The following CSMD1 variants were observed in gnomAD, a reference collection of about 807,000 sequenced individuals.
The protein encoded by CSMD1 is CUB and sushi domain-containing protein 1.
A neutral mutation model predicts 417.5 loss-of-function variants in CSMD1; 213 were observed. The observed-to-expected ratio is 0.51, with a 90% CI of 0.46 to 0.57. CSMD1 has a LOEUF of 0.57. Among genes scored for constraint, CSMD1 ranks in the 20% least tolerant of loss-of-function variants. The probability of loss-of-function intolerance (pLI) is 0.00; values close to 1 mark genes in which losing one functional copy is unlikely to be tolerated. For missense variants in CSMD1, 6,923 were observed against 4,529.7 expected (o/e 1.53, Z -15.17); for synonymous variants, 2,862 against 1,736.8 (o/e 1.65, Z -16.11).
chr8:3,997,055 G>C (rs17068464), intron 5 of CSMD1, among the ~76,000 whole-genome samples: 3 of 152,126 alleles, frequency 2.0e-5, no homozygotes, highest in Non-Finnish European at 4.4e-5. Context: ...GTCTACCTGA[G>C]TTTCAACATA....
At chr8:4,197,655 G>C (rs1243192700) in intron 3 of CSMD1, among the ~76,000 whole-genome samples, 1 of 152,174 alleles carries the variant, frequency 6.6e-6, no homozygotes, top group Non-Finnish European at 1.5e-5. Flanking sequence ...GAGGCAGGTG[G>C]ATCATTTGAG....
intron 10 of CSMD1, among the ~76,000 whole-genome samples, chr8:3,558,648 TCCAC>T: frequency 6.6e-6 from 1 of 150,380 alleles, no homozygotes; most frequent in South Asian, 2.1e-4. Context: ...GTACCCCGTG[TCCAC>T]TCCTCCAATG....
At chr8:4,917,409 C>A (rs1027906761) in intron 1 of CSMD1, among the ~76,000 whole-genome samples, 1 of 152,138 alleles carries the variant, frequency 6.6e-6, no homozygotes, top group Non-Finnish European at 1.5e-5. Context: ...CCAAGGTGGG[C>A]AGACTACAAG....
At chr8:3,421,436 G>A (rs528634782) in intron 12 of CSMD1, among the ~76,000 whole-genome samples, 33 of 152,318 alleles carry the variant, frequency 2.2e-4, no homozygotes, top group Admixed American at 2.0e-3. Flanking sequence ...ATTAAGAAAA[G>A]AGAAACATCA....
At chr8:4,602,689 G>C (rs1800656803) in intron 2 of CSMD1, among the ~76,000 whole-genome samples, 3 of 152,238 alleles carry the variant, frequency 2.0e-5, no homozygotes, top group South Asian at 4.1e-4. Context: ...TGACTTAATT[G>C]TCTTAAGATC....
intron 8 of CSMD1, among the ~76,000 whole-genome samples, chr8:3,596,144 C>T (rs1297433096): frequency 2.0e-5 from 3 of 152,172 alleles, no homozygotes; most frequent in Non-Finnish European, 2.9e-5. Flanking sequence ...AGGGAGGAAA[C>T]AGTGAGGAGT....
intron 2 of CSMD1, among the ~76,000 whole-genome samples, chr8:4,592,195 C>T (rs1007290777): frequency 2.0e-5 from 3 of 150,696 alleles, no homozygotes; most frequent in African/African-American, 7.3e-5. Context: ...ATTTCATGCT[C>T]CCAACAAGAA....
intron 3 of CSMD1, among the ~76,000 whole-genome samples, chr8:4,227,792 C>T (rs1019148501): frequency 6.6e-6 from 1 of 151,018 alleles, no homozygotes; most frequent in Admixed American, 6.6e-5. Flanking sequence ...GACACACCCT[C>T]CATCCTACAG....
intron 3 of CSMD1, among the ~76,000 whole-genome samples, chr8:4,149,792 G>A (rs183170105): frequency 6.6e-6 from 1 of 152,160 alleles, no homozygotes; most frequent in Non-Finnish European, 1.5e-5. Flanking sequence ...TTCAGGGAAG[G>A]TCACTTGAGA....
chr8:4,757,770 C>T lies in CSMD1; in HGVS notation c.86-120212G>A, dbSNP rs139037905. Among the ~76,000 whole-genome samples the T allele has an allele frequency of 1.0e-3, 153 of 152,020 alleles. 2 individuals are homozygous for T. Among genetic ancestry groups the T allele is most frequent in the African/African-American group, 3.5e-3 (145 of 41,482 alleles). The stretch of plus-strand genomic sequence containing the variant: ...GGCCAGGAGTTTGAGACAAGCCTGG[C>T]CAACATGGTGAAACCCTGTTTCTAC... On this transcript the variant is annotated intron_variant, in intron 1 of 69. Coordinates refer to ENST00000635120, the MANE Select transcript of CSMD1 (RefSeq NM_033225.6).
intron 26 of CSMD1, among the ~76,000 whole-genome samples, chr8:3,244,729 G>C (rs947122740): frequency 2.6e-5 from 4 of 152,162 alleles, no homozygotes; most frequent in African/African-American, 9.7e-5. Context: ...TGCTATTTGG[G>C]AAACAAGGGT....
chr8:3,500,971 A>G (rs1228042768), intron 10 of CSMD1, among the ~76,000 whole-genome samples: 1 of 152,246 alleles, frequency 6.6e-6, no homozygotes, highest in Non-Finnish European at 1.5e-5. Flanking sequence ...TAAGTATATA[A>G]ATGATTTTGC....
intron 8 of CSMD1, among the ~76,000 whole-genome samples, chr8:3,594,160 C>T (rs571677837): frequency 2.0e-5 from 3 of 152,272 alleles, no homozygotes; most frequent in Admixed American, 6.5e-5. Context: ...CTGCTATGCC[C>T]GACCTACAGG....
intron 1 of CSMD1, among the ~76,000 whole-genome samples, chr8:4,855,990 A>G (rs1490173227): frequency 6.6e-6 from 1 of 151,802 alleles, no homozygotes; most frequent in Non-Finnish European, 1.5e-5. Context: ...AAATGAAGGA[A>G]AAAATGTTAA....
At chr8:4,239,248 A>G (rs1183833864) in intron 3 of CSMD1, among the ~76,000 whole-genome samples, 2 of 152,194 alleles carry the variant, frequency 1.3e-5, no homozygotes, top group Non-Finnish European at 2.9e-5. Flanking sequence ...ATTCCATTAC[A>G]GTGGATGCTG....
At chr8:4,203,457 T>C (rs548364730) in intron 3 of CSMD1, among the ~76,000 whole-genome samples, 1 of 152,318 alleles carries the variant, frequency 6.6e-6, no homozygotes, top group East Asian at 1.9e-4. Context: ...CAATGTGCTT[T>C]TCTTCTTTCT....
rs1216976852 is a variant in CSMD1 at position 4,653,899 on chromosome 8, G to C, written c.86-16341C>G. Among the ~76,000 whole-genome samples, 4 of 151,842 alleles carry C rather than the reference G, an allele frequency of 2.6e-5. 1 individual carries two copies. Among genetic ancestry groups the C allele is most frequent in the African/African-American group, 7.3e-5 (3 of 41,174 alleles). The stretch of plus-strand genomic sequence containing the variant: ...GTTATTCATGCAAAATATCTCAGTA[G>C]TCTCAGTAGTCATTTTTTTTTAACC... On this transcript the variant is annotated intron_variant, in intron 1 of 69. Coordinates refer to ENST00000635120, the MANE Select transcript of CSMD1 (RefSeq NM_033225.6).
chr8:3,494,073 A>C (rs886973296), intron 10 of CSMD1, among the ~76,000 whole-genome samples: 4 of 152,232 alleles, frequency 2.6e-5, no homozygotes, highest in Admixed American at 1.3e-4. Flanking sequence ...AATGTTGGTT[A>C]TAGTTAATGA....
chr8:3,368,647 A>G (rs1462630552), intron 19 of CSMD1, among the ~76,000 whole-genome samples: 2 of 151,996 alleles, frequency 1.3e-5, no homozygotes, highest in Non-Finnish European at 2.9e-5. Context: ...CCCCAAATAG[A>G]CTCTTAAAGA....
Sources: gnomAD v4.1 joint callset for allele counts (sites outside exome capture counted in the v4.1 genomes callset) on GRCh38, gnomAD v4.1.1 for gene constraint, MANE v1.5 for transcripts, NCBI Gene and HGNC (gene_info 2026-07-23, HGNC 2026-07-21) for gene names.